The following DDX10 variants were observed in gnomAD, a reference collection of about 807,000 sequenced individuals.
The protein encoded by DDX10 is DEAD-box helicase 10, also known as probable ATP-dependent RNA helicase DDX10.
In DDX10, 74 loss-of-function variants were observed where a neutral mutation model predicts 104.3. That is an observed-to-expected ratio of 0.71 (90% CI 0.59 to 0.86). The LOEUF (loss-of-function observed/expected upper bound fraction) is 0.86, where lower values mean the gene tolerates loss of function less well. Among genes scored for constraint, DDX10 ranks in the 40% least tolerant of loss-of-function variants. DDX10 has a pLI of 0.00. For missense variants in DDX10, 952 were observed against 1,040.0 expected, an observed-to-expected ratio of 0.92 and a Z score of 1.16; for synonymous variants, 351 against 353.4, an observed-to-expected ratio of 0.99 and a Z score of 0.08.
rs79617482 is a variant in DDX10, at chr11:108,680,384, T to G, written c.848+824T>G. Among the ~76,000 whole-genome samples, 641 of 152,290 alleles carry G rather than the reference T, an allele frequency of 4.2e-3. 5 individuals carry two copies. Among genetic ancestry groups the G allele is most frequent in the South Asian group, 0.031 (152 of 4,826 alleles). ...GGCATACCACCATGCGTGGCTAATT[T>G]TAAAATTTTTTGTAGAGTTGAAGAC... On this transcript the variant is annotated intron_variant, in intron 6 of 17. Transcript: ENST00000322536.
chr11:108,895,153 C>G (rs1156534122), intron 16 of DDX10, among the ~76,000 whole-genome samples: 6 of 152,008 alleles, frequency 3.9e-5, no homozygotes, highest in African/African-American at 1.4e-4. Context: ...GCCAATCTTA[C>G]AAATGCTTGG....
At chr11:108,782,297 AAC>A (rs1006197978) in intron 13 of DDX10, among the ~76,000 whole-genome samples, 1 of 152,206 alleles carries the variant, frequency 6.6e-6, no homozygotes, top group Non-Finnish European at 1.5e-5. Flanking sequence ...CTTCAGAGAA[AAC>A]ACAGCCTCAA....
At chr11:108,681,805 T>C (rs145302270) in intron 6 of DDX10, among the ~76,000 whole-genome samples, 11 of 152,330 alleles carry the variant, frequency 7.2e-5, no homozygotes, top group African/African-American at 2.6e-4. Context: ...ATGAAAAATT[T>C]CAAATTTGAG....
At chr11:108,853,850 A>G (rs1460201950) in intron 16 of DDX10, among the ~76,000 whole-genome samples, 2 of 152,164 alleles carry the variant, frequency 1.3e-5, no homozygotes, top group Non-Finnish European at 2.9e-5. Context: ...GGAAGGTCTC[A>G]TTTCTATGTA....
intron 10 of DDX10, 98 bp from the exon 11 acceptor site, chr11:108,715,781 A>T: frequency 3.0e-6 from 2 of 663,814 alleles, no homozygotes; most frequent in Non-Finnish European, 5.3e-6. Context: ...ATAGTTATAC[A>T]TTTAAAAATA....
chr11:108,864,284 C>G (rs1862977905), intron 16 of DDX10, among the ~76,000 whole-genome samples: 1 of 152,102 alleles, frequency 6.6e-6, no homozygotes, highest in Non-Finnish European at 1.5e-5. Context: ...CTTCCTCCAT[C>G]CTTACCCTTC....
intron 13 of DDX10, among the ~76,000 whole-genome samples, chr11:108,754,305 C>T (rs2094342015): frequency 6.6e-6 from 1 of 151,974 alleles, no homozygotes; most frequent in African/African-American, 2.4e-5. Context: ...ATTATTTCCC[C>T]ATCAGTGTCC....
chr11:108,930,223 T>C (rs1003594176), intron 17 of DDX10, among the ~76,000 whole-genome samples: 2 of 152,240 alleles, frequency 1.3e-5, no homozygotes, highest in African/African-American at 4.8e-5. Flanking sequence ...GTTTTGCCTT[T>C]TCTGGAATGC....
At chr11:108,741,165 A>G (rs1403161470) in intron 13 of DDX10, among the ~76,000 whole-genome samples, 1 of 151,944 alleles carries the variant, frequency 6.6e-6, no homozygotes, top group Non-Finnish European at 1.5e-5. Context: ...GAGCCTATGC[A>G]TCTGTTTTGG....
chr11:108,752,429 A>C (rs1163207236), intron 13 of DDX10, among the ~76,000 whole-genome samples: 1 of 152,122 alleles, frequency 6.6e-6, no homozygotes, highest in Admixed American at 6.6e-5. Flanking sequence ...TGGCTCACTG[A>C]GTAATTCAAG....
rs77534483 is a variant in DDX10, at chr11:108,754,626, A to C, written c.1965+31164A>C. The stretch of plus-strand genomic sequence containing the variant: ...CACTTGGAAATGAAATAGATGAGTA[A>C]GGGTCAAAACTAGAGTATAGCCTTA... On this transcript the variant is annotated intron_variant, in intron 13 of 17. Transcript: ENST00000322536. Among the ~76,000 whole-genome samples, 676 of 152,156 alleles carry C rather than the reference A, an allele frequency of 4.4e-3. 1 individual carries two copies. The highest frequency in any genetic ancestry group is 0.016 in the African/African-American group (649 of 41,530).
At chr11:108,930,764 T>C (rs1325000101) in intron 17 of DDX10, among the ~76,000 whole-genome samples, 1 of 152,212 alleles carries the variant, frequency 6.6e-6, no homozygotes, top group African/African-American at 2.4e-5. Flanking sequence ...ATAATATGCT[T>C]TGTCTTTTCA....
At chr11:108,902,125 A>G (rs1476030087) in intron 16 of DDX10, among the ~76,000 whole-genome samples, 1 of 152,194 alleles carries the variant, frequency 6.6e-6, no homozygotes, top group Non-Finnish European at 1.5e-5. Flanking sequence ...ACCAGTTTTC[A>G]TGAGACTCGT....
intron 13 of DDX10, among the ~76,000 whole-genome samples, chr11:108,742,948 T>A (rs1173494536): frequency 2.0e-5 from 3 of 152,142 alleles, no homozygotes; most frequent in African/African-American, 7.2e-5. Flanking sequence ...ACAGCCAAAT[T>A]CTAGTAGATG....
intron 13 of DDX10, among the ~76,000 whole-genome samples, chr11:108,814,202 A>G (rs760180027): frequency 1.3e-5 from 2 of 152,206 alleles, no homozygotes; most frequent in Admixed American, 1.3e-4. Flanking sequence ...GACATAGGCT[A>G]AGAGATGGTA....
chr11:108,926,518 G>T (rs1441233983), intron 17 of DDX10, among the ~76,000 whole-genome samples: 1 of 152,060 alleles, frequency 6.6e-6, no homozygotes, highest in African/African-American at 2.4e-5. Context: ...CTCTCCTTTT[G>T]CAGTTATGTT....
intron 13 of DDX10, among the ~76,000 whole-genome samples, chr11:108,817,827 G>A (rs939075589): frequency 5.3e-5 from 8 of 152,282 alleles, no homozygotes; most frequent in African/African-American, 9.6e-5. Context: ...CTTAATATGC[G>A]GCTCATACAA....
chr11:108,849,624 C>T (rs1295168562), intron 15 of DDX10, among the ~76,000 whole-genome samples: 6 of 152,032 alleles, frequency 3.9e-5, no homozygotes, highest in Admixed American at 2.0e-4. Context: ...TATTGAATTT[C>T]GTGCTCCCCT....
At chr11:108,820,610 A>G (rs1300687564) in intron 13 of DDX10, among the ~76,000 whole-genome samples, 1 of 152,242 alleles carries the variant, frequency 6.6e-6, no homozygotes, top group Non-Finnish European at 1.5e-5. Context: ...CATCTGAGAA[A>G]TTAAGCCGTC....
Sources: allele counts gnomAD v4.1 joint callset (sites outside exome capture counted in the v4.1 genomes callset), GRCh38; gene constraint gnomAD v4.1.1; transcripts MANE v1.5; gene names NCBI Gene and HGNC (gene_info 2026-07-23, HGNC 2026-07-21).